The following SLC38A6 variants were observed in gnomAD, a reference collection of about 807,000 sequenced individuals.
SLC38A6 encodes the protein N system amino acid transporter NAT-1.
Under a neutral mutation model 65.0 loss-of-function variants are expected in SLC38A6, and 73 were observed. That is an observed-to-expected ratio of 1.12 (90% CI 0.93 to 1.37). The LOEUF is 1.37. Ranked by LOEUF, SLC38A6 falls within the 40% of genes most tolerant of loss-of-function variation. The pLI, the probability that SLC38A6 is intolerant of heterozygous loss-of-function variation, is 0.00. For synonymous variants in SLC38A6, 183 were observed against 178.8 expected, an observed-to-expected ratio of 1.02 and a Z score of -0.19; for missense variants, 561 against 531.1, an observed-to-expected ratio of 1.06 and a Z score of -0.55.
chr14:60,981,507 G>C, intron 1 of SLC38A6, 125 bp downstream of exon 1: 1 of 1,535,200 alleles, frequency 6.5e-7, no homozygotes, highest in South Asian at 1.2e-5. Flanking sequence ...TGAACCCTGG[G>C]GGATGGGGTC....
At chr14:61,082,498 A>G (rs557940246) in intron 16 of SLC38A6, among the ~76,000 whole-genome samples, 2 of 152,304 alleles carry the variant, frequency 1.3e-5, no homozygotes, top group South Asian at 4.1e-4. Flanking sequence ...ACTCACTCCC[A>G]GAACCCTTTG....
intron 16 of SLC38A6, among the ~76,000 whole-genome samples, chr14:61,081,082 A>C (rs962152483): frequency 6.9e-6 from 1 of 144,634 alleles, no homozygotes; most frequent in Non-Finnish European, 1.5e-5. Context: ...AATGGTGGCT[A>C]ATCATGCTGG....
chr14:60,993,239 T>G (rs2038044105), intron 3 of SLC38A6, among the ~76,000 whole-genome samples: 1 of 152,184 alleles, frequency 6.6e-6, no homozygotes, highest in African/African-American at 2.4e-5. Flanking sequence ...GTAGAAATTG[T>G]TACATCCACT....
chr14:61,015,880 G>A (rs752418857), intron 3 of SLC38A6, 24 bp from the exon 4 acceptor site: 1 of 1,589,540 alleles, frequency 6.3e-7, no homozygotes, highest in African/African-American at 1.4e-5. Flanking sequence ...GTGTAAAAGT[G>A]AACATTGTAA....
intron 3 of SLC38A6, among the ~76,000 whole-genome samples, chr14:60,989,003 CA>C (rs1376257339): frequency 7.9e-5 from 12 of 152,330 alleles, no homozygotes; most frequent in Admixed American, 2.6e-4. Flanking sequence ...TTAGCTCATT[CA>C]TCTGCTATCT....
intron 3 of SLC38A6, among the ~76,000 whole-genome samples, chr14:61,014,880 G>A (rs150140166): frequency 2.0e-3 from 305 of 152,288 alleles, no homozygotes; most frequent in African/African-American, 6.9e-3. Context: ...CTCCAGCTGC[G>A]TGCTGGGAGA....
chr14:61,054,972 A>G (rs2042656699), downstream of SLC38A6, among the ~76,000 whole-genome samples: 1 of 151,992 alleles, frequency 6.6e-6, no homozygotes, highest in South Asian at 2.1e-4. Context: ...GGTTTTATCT[A>G]TTCAGTATAA....
intron 3 of SLC38A6, among the ~76,000 whole-genome samples, chr14:61,003,748 C>T (rs1368615986): frequency 6.6e-6 from 1 of 152,042 alleles, no homozygotes; most frequent in African/African-American, 2.4e-5. Context: ...AGTAAAGCCT[C>T]AATGTTAAGC....
chr14:61,071,333 T>C (rs2043218024), intron 15 of SLC38A6, among the ~76,000 whole-genome samples: 1 of 152,198 alleles, frequency 6.6e-6, no homozygotes, highest in Non-Finnish European at 1.5e-5. Context: ...GAATTCTGGG[T>C]CAAAGGGCAT....
chr14:60,987,093 G>A, intron 3 of SLC38A6: 2 of 402,344 alleles, frequency 5.0e-6, no homozygotes, highest in Non-Finnish European at 9.8e-6. Flanking sequence ...GGTTCTGCCT[G>A]CACATTGACT....
At chr14:61,031,799 A>G (rs901793764) in intron 6 of SLC38A6, among the ~76,000 whole-genome samples, 1 of 152,124 alleles carries the variant, frequency 6.6e-6, no homozygotes, top group African/African-American at 2.4e-5. Context: ...TTTTAGGGTT[A>G]AGAACTCAAG....
Position 61,045,537 on chromosome 14 carries a change from C to T in SLC38A6, c.824+112C>T, listed in dbSNP as rs1437024340. 4 of 752,932 alleles carry T rather than the reference C, an allele frequency of 5.3e-6. No homozygotes were observed. In the African/African-American group the frequency reaches 5.3e-5, roughly 10 times the overall value. 46.6% of individuals were successfully genotyped at this position (752,932 alleles called of 1,614,324 possible). On this transcript the variant is annotated intron_variant, in intron 11 of 15. Transcript: ENST00000267488. ...AATCCTTTCCTCTCATCAGTGGATC[C>T]TAAGTGTTAGTTTAAAACAAAACAA...
At position 61,069,062 on chromosome 14, in the gene SLC38A6, C is replaced by G. The variant is rs113239245; in HGVS notation, c.1291-9748C>G. Among the ~76,000 whole-genome samples the G allele has an allele frequency of 7.7e-3, 1,173 of 152,224 alleles. 17 individuals carry two copies. The highest frequency in any genetic ancestry group is 0.027 in the African/African-American group (1,104 of 41,544). Reference sequence around the variant, plus strand: ...AGGCTGTTCTTTGGCATCACTTGGGCAACTTTGCAAAAATTACCACATGCA... The same window carrying G: ...AGGCTGTTCTTTGGCATCACTTGGGGAACTTTGCAAAAATTACCACATGCA... On this transcript the variant is annotated intron_variant, in intron 15 of 16. Coordinates refer to the SLC38A6 transcript ENST00000354886.
intron 4 of SLC38A6, among the ~76,000 whole-genome samples, chr14:61,018,190 A>G (rs1375960154): frequency 6.6e-6 from 1 of 152,204 alleles, no homozygotes; most frequent in Non-Finnish European, 1.5e-5. Context: ...GTTTTTTGCA[A>G]TATATTAATT....
intron 3 of SLC38A6, among the ~76,000 whole-genome samples, chr14:60,998,617 A>C (rs975234083): frequency 6.6e-6 from 1 of 152,218 alleles, no homozygotes; most frequent in Non-Finnish European, 1.5e-5. Flanking sequence ...TCTGGGTACG[A>C]AGAGGGCACT....
rs1038224394 is a variant in SLC38A6, at chr14:60,997,214, C to T, written c.310+12411C>T. On this transcript the variant is annotated intron_variant, in intron 3 of 15. Transcript: ENST00000267488. ...TAATCTTGGCTCACTGCAACCTCCA[C>T]CTCCCAGGCTCAAGTGATCCTCCCA... 2.6e-5 allele frequency among the ~76,000 whole-genome samples: 4 copies of T among 152,130 alleles called. No individual in the cohort carries two copies. The East Asian group carries it at 5.8e-4, about 22-fold the overall frequency.
At chr14:61,035,348 A>G (rs2041283326) in intron 6 of SLC38A6, among the ~76,000 whole-genome samples, 1 of 152,120 alleles carries the variant, frequency 6.6e-6, no homozygotes. Context: ...TAATAATTAT[A>G]TTTATATCAT....
chr14:61,070,432 C>A (rs2043191640), intron 15 of SLC38A6, among the ~76,000 whole-genome samples: 1 of 152,192 alleles, frequency 6.6e-6, no homozygotes, highest in Non-Finnish European at 1.5e-5. Context: ...TATGTGTATA[C>A]CACAATTTCT....
intron 12 of SLC38A6, among the ~76,000 whole-genome samples, chr14:61,049,796 G>T (rs764794845): frequency 2.0e-4 from 30 of 152,076 alleles, no homozygotes; most frequent in Admixed American, 6.6e-4. Context: ...CTGATATCCA[G>T]TGTTTCTGAG....
Sources: gnomAD v4.1 joint callset for allele counts (sites outside exome capture counted in the v4.1 genomes callset) on GRCh38, gnomAD v4.1.1 for gene constraint, MANE v1.5 for transcripts, NCBI Gene and HGNC (gene_info 2026-07-23, HGNC 2026-07-21) for gene names.